Variants in ZNF534 observed in about 807,000 individuals in gnomAD.
The protein encoded by ZNF534 is zinc finger protein 534, also known as KRAB domain only 3.
A neutral mutation model predicts 13.6 loss-of-function variants in ZNF534; 19 were observed. The ratio of observed to expected loss-of-function variants is 1.40; its 90% CI spans 0.97 to 2.05. The LOEUF is 2.05. Ranked by LOEUF, ZNF534 falls within the 30% of genes most tolerant of loss-of-function variation. The pLI, the probability that ZNF534 is intolerant of heterozygous loss-of-function variation, is 0.00. For missense variants in ZNF534, 782 were observed against 796.3 expected (o/e 0.98, Z 0.22); for synonymous variants, 244 against 273.8 (o/e 0.89, Z 1.07).
Position 52,438,294 on chromosome 19 carries a change from C to T in ZNF534, c.834C>T (p.Val278=), listed in dbSNP as rs773680773. 4.0e-5 allele frequency: 64 copies of T among 1,605,712 alleles called. No individual in the cohort carries two copies. The South Asian group carries it at 6.4e-4, about 16-fold the overall frequency. ...ACAATAACAAAGAATGTGGGAAAGT[C>T]TTTAGTCACCATGCCTACCTTGCAC... ...KPYNNKECGK[V]FSHHAYLAQH... The change falls in exon 5 of 5, where the codon GTC becomes GTT. Residue 278 remains valine, a synonymous_variant. Transcript: ENST00000433050.
intron 2 of ZNF534, 101 bp downstream of exon 2, chr19:52,431,590 C>T: frequency 6.8e-7 from 1 of 1,460,902 alleles, no homozygotes; most frequent in East Asian, 2.3e-5. Flanking sequence ...CTGCCTGACT[C>T]ATTTCATTGC....
At position 52,439,173 on chromosome 19, in the gene ZNF534, T is replaced by G; in HGVS notation, c.1713T>G (p.Ile571Met). 1 of 1,545,064 alleles carries G rather than the reference T, an allele frequency of 6.5e-7. No homozygotes were observed. Among genetic ancestry groups the G allele is most frequent in the African/African-American group, 1.4e-5 (1 of 72,338 alleles). Residue 571 changes from isoleucine to methionine, a missense_variant, in exon 5 of 5, where the codon ATT (isoleucine) becomes ATG (methionine). Ile to Met is a conservative substitution (Grantham distance 10, BLOSUM62 1). Coordinates refer to ENST00000433050, the MANE Select transcript of ZNF534 (RefSeq NM_001143938.3). ...RNSHLARHRN[I>M]HTGEKPHSCN... is the part of the protein sequence containing the mutation. Reference sequence around the variant, plus strand: ...CACACCTTGCGCGACATAGGAATATTCATACTGGAGAGAAGCCTCACAGTT... The same window carrying G: ...CACACCTTGCGCGACATAGGAATATGCATACTGGAGAGAAGCCTCACAGTT...
Position 52,438,654 on chromosome 19 carries a change from A to G in ZNF534, c.1194A>G (p.Ala398=), listed in dbSNP as rs2059147520. The change falls in exon 5 of 5, where the codon GCA becomes GCG. Residue 398 remains alanine (A), a synonymous_variant. Transcript: ENST00000433050. The part of the protein sequence containing the change: ...GKVFIGNSRL[A]RHRKIHTGGR... Reference sequence around the variant, plus strand: ...TCTTTATTGGCAATTCACGCCTTGCACGACATAGGAAAATTCATACTGGGG... The same window carrying G: ...TCTTTATTGGCAATTCACGCCTTGCGCGACATAGGAAAATTCATACTGGGG... 2 of 1,583,882 alleles carry G rather than the reference A, an allele frequency of 1.3e-6. No individual in the cohort carries two copies. Among genetic ancestry groups the G allele is most frequent in the Non-Finnish European group, 1.7e-6 (2 of 1,163,956 alleles).
At chr19:52,435,543 A>G (rs1231976405) in intron 4 of ZNF534, among the ~76,000 whole-genome samples, 4 of 152,142 alleles carry the variant, frequency 2.6e-5, no homozygotes, top group African/African-American at 9.7e-5. Context: ...CTCTCCTGTC[A>G]CCCAGGCTGG....
chr19:52,434,732 A>G (rs1003846480), intron 3 of ZNF534, among the ~76,000 whole-genome samples: 2 of 150,466 alleles, frequency 1.3e-5, no homozygotes, highest in Non-Finnish European at 3.0e-5. Flanking sequence ...CTCTGTCTCA[A>G]AAAAAAAAAA....
chr19:52,445,590 G>A (rs948357352), downstream of ZNF534, among the ~76,000 whole-genome samples: 5 of 152,128 alleles, frequency 3.3e-5, no homozygotes, highest in Admixed American at 2.6e-4. Flanking sequence ...TGTGTTCTTG[G>A]CAGACAATCT....
At position 52,442,203 on chromosome 19, in the gene ZNF534, CTG is replaced by C. The variant is rs2059177566; in HGVS notation, c.*2759_*2760del. Reference sequence around the variant, plus strand: ...CCAAAACTGGCCATAAACAAAATCTCTGTAGGACTGTGACATGTTCTTGATGG... The same window carrying C: ...CCAAAACTGGCCATAAACAAAATCTCTAGGACTGTGACATGTTCTTGATGG... On this transcript the variant is annotated 3_prime_UTR_variant, in exon 5 of 5. Transcript: ENST00000433050. Among the ~76,000 whole-genome samples, 1 of 152,220 alleles carries C rather than the reference CTG, an allele frequency of 6.6e-6. No individual in the cohort carries two copies. The highest frequency in any genetic ancestry group is 1.5e-5 in the Non-Finnish European group (1 of 68,046).
intron 4 of ZNF534, among the ~76,000 whole-genome samples, chr19:52,449,408 T>C (rs937437098): frequency 2.0e-5 from 3 of 152,026 alleles, no homozygotes; most frequent in Non-Finnish European, 4.4e-5. Flanking sequence ...AATTGCTGGA[T>C]CATATGGTAG....
intron 2 of ZNF534, among the ~76,000 whole-genome samples, chr19:52,433,084 C>G (rs953534028): frequency 5.3e-5 from 8 of 151,380 alleles, no homozygotes; most frequent in African/African-American, 1.9e-4. Context: ...CTCTACAAAA[C>G]ATACAAAAAT....
rs59465772 is a variant in ZNF534, at chr19:52,451,620, C to A, written c.*123C>A. On this transcript the variant is annotated 3_prime_UTR_variant, in exon 5 of 5. Coordinates refer to the ZNF534 transcript ENST00000301085. ...CTGTACAGTGCCTGTGATTACACAC[C>A]ACCACCTATGGAGAAGGCTCTTGTG... The A allele has an allele frequency of 8.0e-3, 5,146 of 641,680 alleles. 213 individuals are homozygous for A. The African/African-American group carries it at 0.084, about 10-fold the overall frequency. 39.7% of individuals were successfully genotyped at this position (641,680 alleles called of 1,614,324 possible).
chr19:52,438,988 G>A lies in ZNF534; in HGVS notation c.1528G>A (p.Ala510Thr). Reference sequence around the variant, plus strand: ...GGTCTTCCGTCAGAATTCACACCTTGCACAACATAGGGATATTCATACTGG... The same window carrying A: ...GGTCTTCCGTCAGAATTCACACCTTACACAACATAGGGATATTCATACTGG... ...GKVFRQNSHL[A>T]QHRDIHTGEK... Residue 510 changes from alanine to threonine, a missense_variant, in exon 5 of 5, where the codon GCA becomes ACA. Ala to Thr is a moderately conservative substitution (Grantham distance 58, BLOSUM62 0). Coordinates refer to ENST00000433050, the MANE Select transcript of ZNF534 (RefSeq NM_001143938.3). 1 of 1,603,684 alleles carries A rather than the reference G, an allele frequency of 6.2e-7. No individual in the cohort carries two copies. The highest frequency in any genetic ancestry group is 8.5e-7 in the Non-Finnish European group (1 of 1,174,632).
intron 4 of ZNF534, among the ~76,000 whole-genome samples, chr19:52,447,636 A>AT (rs1410703804): frequency 1.3e-5 from 2 of 152,058 alleles, no homozygotes; most frequent in African/African-American, 4.8e-5. Flanking sequence ...GAGTCCTATG[A>AT]TTTTTTAAAT....
At chr19:52,443,904 T>C (rs2122718092), downstream of ZNF534, among the ~76,000 whole-genome samples, 1 of 152,168 alleles carries the variant, frequency 6.6e-6, no homozygotes, top group African/African-American at 2.4e-5. Context: ...TGCTATTTAT[T>C]TAACTGAAAT....
Position 52,438,975 on chromosome 19 carries a change from G to T in ZNF534, c.1515G>T (p.Gln505His). The T allele has an allele frequency of 1.2e-6, 2 of 1,604,278 alleles. No individual in the cohort carries two copies. Among genetic ancestry groups the T allele is most frequent in the Non-Finnish European group, 8.5e-7 (1 of 1,174,882 alleles). Residue 505 changes from glutamine (Q) to histidine (H), a missense_variant, in exon 5 of 5, where the codon CAG (glutamine) becomes CAT (histidine). Transcript: ENST00000433050. ...KCNECGKVFR[Q>H]NSHLAQHRDI... ...ATGAATGTGGCAAGGTCTTCCGTCA[G>T]AATTCACACCTTGCACAACATAGGG...
downstream of ZNF534, among the ~76,000 whole-genome samples, chr19:52,446,315 G>A (rs2561018): frequency 0.92 from 139,220 of 152,114 alleles, 64,061 homozygotes; most frequent in Non-Finnish European, 0.96. Flanking sequence ...ATTCCCACCA[G>A]AGGATATTAC....
In ZNF534 at chr19:52,451,393, G is replaced by C. The variant is rs11879334; in HGVS notation, c.478G>C (p.Gly160Arg). Residue 160 changes from glycine to arginine, a missense_variant, in exon 5 of 5, where the codon GGG becomes CGG. By Grantham distance (125) the Gly-to-Arg change is moderately radical. Transcript: ENST00000301085. The stretch of plus-strand genomic sequence containing the variant: ...GCTCACGGCAGAGGGCCGAGGCCAC[G>C]GGACTCTCAGGGCCGGGCCCGCCCC... 4.8e-3 allele frequency: 3,756 copies of C among 790,442 alleles called. 63 individuals carry two copies. The highest frequency in any genetic ancestry group is 0.047 in the African/African-American group (2,717 of 58,410). The allele number at this position is 790,442 out of a possible 1,614,324, so 49.0% of individuals were successfully genotyped here.
chr19:52,438,259 C>T lies in ZNF534; in HGVS notation c.799C>T (p.Gln267Ter), dbSNP rs796266811. ...LAQHQKIHTG[Q>*]KPYNNKECGK... The stretch of plus-strand genomic sequence containing the variant: ...ACAACATCAGAAAATTCATACTGGA[C>T]AGAAACCTTACAATAACAAAGAATG... Residue 267 changes from glutamine (Q) to a stop codon, truncating the protein, a stop_gained, in exon 5 of 5, where the codon CAG becomes TAG. Coordinates refer to ENST00000433050, the MANE Select transcript of ZNF534 (RefSeq NM_001143938.3). LOFTEE classifies it low-confidence loss of function (END_TRUNC). The T allele has an allele frequency of 6.2e-7, 1 of 1,602,750 alleles. No individual in the cohort carries two copies. Among genetic ancestry groups the T allele is most frequent in the Non-Finnish European group, 8.5e-7 (1 of 1,172,594 alleles).
At chr19:52,450,777 C>T (rs995188658) in intron 4 of ZNF534, among the ~76,000 whole-genome samples, 1 of 145,170 alleles carries the variant, frequency 6.9e-6, no homozygotes, top group East Asian at 2.1e-4. Flanking sequence ...ACCTCTGCCT[C>T]CCAGGCTCAA....
exon 5 of ZNF534, chr19:52,451,637 G>C (rs1289170662): frequency 2.0e-5 from 13 of 650,870 alleles, no homozygotes; most frequent in Non-Finnish European, 2.2e-5. Context: ...TATGGAGAAG[G>C]CTCTTGTGAA....
Sources: allele counts gnomAD v4.1 joint callset (sites outside exome capture counted in the v4.1 genomes callset), GRCh38; gene constraint gnomAD v4.1.1; transcripts MANE v1.5; gene names NCBI Gene and HGNC (gene_info 2026-07-23, HGNC 2026-07-21).